The following NCAPG variants were observed in gnomAD, a reference collection of about 807,000 sequenced individuals.
NCAPG encodes non-SMC condensin I complex subunit G, also known as condensin complex subunit 3.
In NCAPG, 69 loss-of-function variants were observed where a neutral mutation model predicts 113.1. That is an observed-to-expected ratio of 0.61 (90% confidence interval 0.50 to 0.75). NCAPG has a LOEUF of 0.75. Ranked by LOEUF, NCAPG falls within the 30% of genes least tolerant of loss-of-function variation. NCAPG has a pLI of 0.00. For synonymous variants in NCAPG, 370 were observed against 415.8 expected (o/e 0.89, Z 1.34); for missense variants, 1,058 against 1,177.0 (o/e 0.90, Z 1.48).
At chr4:17,813,204 T>G (rs1721068828) in intron 3 of NCAPG, 59 bp downstream of exon 3, 1 of 1,360,754 alleles carries the variant, frequency 7.3e-7, no homozygotes. Flanking sequence ...ATTCTCAGTA[T>G]TTGAAATTTT....
intron 9 of NCAPG, among the ~76,000 whole-genome samples, chr4:17,824,089 G>A (rs1223922099): frequency 6.6e-6 from 1 of 152,092 alleles, no homozygotes; most frequent in African/African-American, 2.4e-5. Flanking sequence ...TACTCAAATT[G>A]TACATACTAG....
rs770223582 is a variant in NCAPG at position 17,830,553 on chromosome 4, C to CTTT, written c.1765-430_1765-428dup. On this transcript the variant is annotated intron_variant, in intron 12 of 20. Transcript: ENST00000251496. ...GTTAAATATATTAAGACTAGTTTCACTTTTTTTTTTTTTTTTACTTCAATG... is the reference window on the plus strand; with the variant it reads ...GTTAAATATATTAAGACTAGTTTCACTTTTTTTTTTTTTTTTTTTACTTCAATG... Among the ~76,000 whole-genome samples, 332 of 137,298 alleles carry CTTT rather than the reference C, an allele frequency of 2.4e-3. 2 individuals are homozygous for CTTT. The highest frequency in any genetic ancestry group is 7.9e-3 in the African/African-American group (291 of 36,680). 90.1% of individuals were successfully genotyped at this position (137,298 alleles called of 152,430 possible). A position where few individuals can be genotyped will look rare whatever the true frequency, so the allele number is the denominator to read the frequency against.
Position 17,843,462 on chromosome 4 carries a change from CCA to C in NCAPG, c.*38_*39del. ...GAGGTGGAATCCTTTAAGATTATGT[CCA>C]GTTATTTGCTTTAATAAAGAAGAAG... is the stretch of plus-strand genomic sequence containing the variant. On this transcript the variant is annotated 3_prime_UTR_variant, in exon 21 of 21. Coordinates refer to ENST00000251496, the MANE Select transcript of NCAPG (RefSeq NM_022346.5). The C allele has an allele frequency of 1.1e-5, 18 of 1,599,774 alleles. No individual in the cohort carries two copies. Among genetic ancestry groups the C allele is most frequent in the Non-Finnish European group, 1.5e-5 (18 of 1,171,446 alleles).
In NCAPG at chr4:17,840,809, T is replaced by A. The variant is rs553891780; in HGVS notation, c.2854+116T>A. 709 of 509,930 alleles carry A rather than the reference T, an allele frequency of 1.4e-3. 1 individual carries two copies. The highest frequency in any genetic ancestry group is 1.4e-3 in the South Asian group (18 of 12,582). The allele number at this position is 509,930 out of a possible 1,614,324, so 31.6% of individuals were successfully genotyped here. A position where few individuals can be genotyped will look rare whatever the true frequency, so the allele number is the denominator to read the frequency against. On this transcript the variant is annotated intron_variant, in intron 19 of 20. Transcript: ENST00000251496. ...TTTCCTTAGGGATAAAGATTTTTTT[T>A]AAAATGTCTTTGGTATCCTTTCTTT...
rs139434850 is a variant in NCAPG, at chr4:17,822,645, C to T, written c.1119-338C>T. ...GTTGAAAAATTGTAAGTTGGGCCAC[C>T]TGTAATTGGGGACCATCTGTAATTG... is the stretch of plus-strand genomic sequence containing the variant. On this transcript the variant is annotated intron_variant, in intron 7 of 20. Coordinates refer to ENST00000251496, the MANE Select transcript of NCAPG (RefSeq NM_022346.5). 3.4e-3 allele frequency among the ~76,000 whole-genome samples: 512 copies of T among 152,186 alleles called. 7 individuals carry two copies. Among genetic ancestry groups the T allele is most frequent in the African/African-American group, 0.012 (483 of 41,492 alleles).
chr4:17,834,644 G>T (rs559267609), intron 14 of NCAPG, 121 bp downstream of exon 14: 4 of 638,724 alleles, frequency 6.3e-6, no homozygotes, highest in Middle Eastern at 4.7e-4. Context: ...GAACATACAG[G>T]TTTGTTACAT....
chr4:17,840,242 TTC>T, intron 18 of NCAPG, 33 bp downstream of exon 18: 4 of 1,492,624 alleles, frequency 2.7e-6, no homozygotes, highest in Non-Finnish European at 3.6e-6. Context: ...ATTTATAAGG[TTC>T]TGTTTTTTTT....
At chr4:17,822,047 A>G (rs1199448944) in intron 7 of NCAPG, among the ~76,000 whole-genome samples, 3 of 152,100 alleles carry the variant, frequency 2.0e-5, no homozygotes, top group Admixed American at 2.0e-4. Flanking sequence ...GTTTCTAAGA[A>G]AGAATAATAA....
chr4:17,828,185 G>A lies in NCAPG; in HGVS notation c.1654-93G>A, dbSNP rs145548205. 7.6e-3 allele frequency: 5,367 copies of A among 708,138 alleles called. 31 individuals are homozygous for A. The highest frequency in any genetic ancestry group is 0.016 in the Middle Eastern group (62 of 3,954). 43.9% of individuals were successfully genotyped at this position (708,138 alleles called of 1,614,324 possible). On this transcript the variant is annotated intron_variant, in intron 11 of 20. Transcript: ENST00000251496. ...ATCACCTACAGAGTCTATATAGAGT[G>A]ACAGTATGCCCTACACAAAGCCCTG... is the stretch of plus-strand genomic sequence containing the variant.
At chr4:17,832,781 CCA>C (rs1172883476) in intron 13 of NCAPG, among the ~76,000 whole-genome samples, 1 of 151,866 alleles carries the variant, frequency 6.6e-6, no homozygotes, top group African/African-American at 2.4e-5. Flanking sequence ...TGAAGAGGAA[CCA>C]GTAGGGGCTA....
intron 7 of NCAPG, among the ~76,000 whole-genome samples, chr4:17,820,116 A>G (rs1443028626): frequency 1.3e-5 from 2 of 152,204 alleles, no homozygotes; most frequent in African/African-American, 2.4e-5. Flanking sequence ...ATAAGAAAAT[A>G]TGAGGAAATG....
intron 12 of NCAPG, among the ~76,000 whole-genome samples, chr4:17,829,838 T>G (rs1721793661): frequency 6.6e-6 from 1 of 152,248 alleles, no homozygotes; most frequent in African/African-American, 2.4e-5. Context: ...CACGTTGATC[T>G]GGTCAAGTGA....
At chr4:17,837,016 CTT>C in intron 14 of NCAPG, 141 bp from the exon 15 acceptor site, 1 of 631,790 alleles carries the variant, frequency 1.6e-6, no homozygotes, top group Non-Finnish European at 2.6e-6. Flanking sequence ...AAGAAACAGT[CTT>C]TTTATTTGCC....
Position 17,814,747 on chromosome 4 carries a change from C to CT in NCAPG, c.545-103dup, listed in dbSNP as rs2109043343. ...GCAGTAGCCATCATGCCCAGCCTAT[C>CT]TTTATCACATTAAAGGCATTTTAAA... On this transcript the variant is annotated intron_variant, in intron 3 of 20. Transcript: ENST00000251496. 2.3e-6 allele frequency: 3 copies of CT among 1,280,914 alleles called. No individual in the cohort carries two copies. The Admixed American group carries it at 6.4e-5, about 27-fold the overall frequency. 79.3% of individuals were successfully genotyped at this position (1,280,914 alleles called of 1,614,324 possible).
rs1321212661 is a variant in NCAPG at position 17,811,044 on chromosome 4, C to A, written c.-34C>A. The A allele has an allele frequency of 5.2e-6, 7 of 1,356,274 alleles. No individual in the cohort carries two copies. Among genetic ancestry groups the A allele is most frequent in the Non-Finnish European group, 6.9e-6 (7 of 1,015,708 alleles). 84.0% of individuals were successfully genotyped at this position (1,356,274 alleles called of 1,614,324 possible). The stretch of plus-strand genomic sequence containing the variant: ...CGGGCTGGCAGGCTGTAGCCGAGCG[C>A]GGGCAGGACTCGTCCCGGCAGGGTT... On this transcript the variant is annotated 5_prime_UTR_variant, in exon 1 of 21. Transcript: ENST00000251496. This position sits in a 1 kb window ranked among gnomAD's most constrained non-coding sequence, Gnocchi z 5.3.
rs190452854 is a variant in NCAPG at position 17,836,084 on chromosome 4, G to A, written c.2110-1075G>A. On this transcript the variant is annotated intron_variant, in intron 14 of 20. Transcript: ENST00000251496. ...ACCATTTTAAATTTCCATCTTCAGT[G>A]TAGAAGGTTTTCCATTTCTCCACAT... is the stretch of plus-strand genomic sequence containing the variant. Among the ~76,000 whole-genome samples the A allele has an allele frequency of 3.3e-5, 5 of 152,312 alleles. No individual in the cohort carries two copies. The East Asian group carries it at 7.7e-4, about 23-fold the overall frequency.
chr4:17,818,081 T>G lies in NCAPG; in HGVS notation c.1111T>G (p.Leu371Val). 6.3e-7 allele frequency: 1 copy of G among 1,597,714 alleles called. No homozygotes were observed. Among genetic ancestry groups the G allele is most frequent in the Middle Eastern group, 1.7e-4 (1 of 5,984 alleles). Residue 371 changes from leucine (L) to valine (V), a missense_variant, in exon 7 of 21, where the codon TTA (leucine) becomes GTA (valine). Leu to Val is a conservative substitution (Grantham distance 32). Transcript: ENST00000251496. ...LPEPVVYADY[L>V]LSYIQSIPVV... is the part of the protein sequence containing the mutation. ...AGAGCCTGTAGTATATGCAGACTAT[T>G]TATTGAGGTAAATTTTTTTTCTTTT...
At chr4:17,814,195 A>G (rs529223279) in intron 3 of NCAPG, among the ~76,000 whole-genome samples, 1 of 152,222 alleles carries the variant, frequency 6.6e-6, no homozygotes, top group Non-Finnish European at 1.5e-5. Flanking sequence ...TTAAATATTG[A>G]GGAGTAGCAC....
At chr4:17,841,762 C>T (rs1055760649) in intron 19 of NCAPG, 3 of 151,838 alleles carry the variant, frequency 2.0e-5, no homozygotes, top group African/African-American at 7.3e-5. Flanking sequence ...TCTTATAATC[C>T]CCAGTATATA....
Sources: allele counts gnomAD v4.1 joint callset (sites outside exome capture counted in the v4.1 genomes callset), GRCh38; gene constraint gnomAD v4.1.1; non-coding constraint Gnocchi (gnomAD v3.1); transcripts MANE v1.5; gene names NCBI Gene and HGNC (gene_info 2026-07-23, HGNC 2026-07-21).